The following DIP2C variants were observed in gnomAD, a reference collection of about 807,000 sequenced individuals.
The protein encoded by DIP2C is DIP2 acetate--CoA ligase C (putative).
A neutral mutation model predicts 192.4 loss-of-function variants in DIP2C; 33 were observed. That is an observed-to-expected ratio of 0.17 (90% CI 0.13 to 0.23). The LOEUF (loss-of-function observed/expected upper bound fraction) is 0.23, where lower values mean the gene tolerates loss of function less well. Ranked by LOEUF, DIP2C falls within the 10% of genes least tolerant of loss-of-function variation. The probability of loss-of-function intolerance (pLI) is 1.00; values close to 1 mark genes in which losing one functional copy is unlikely to be tolerated. For synonymous variants in DIP2C, 979 were observed against 864.1 expected, an observed-to-expected ratio of 1.13 and a Z score of -2.33; for missense variants, 1,537 against 2,110.1, an observed-to-expected ratio of 0.73 and a Z score of 5.32.
intron 18 of DIP2C, among the ~76,000 whole-genome samples, chr10:367,231 C>T (rs762929369): frequency 1.3e-5 from 2 of 152,130 alleles, no homozygotes; most frequent in Non-Finnish European, 2.9e-5. Context: ...TCCTGGCTAA[C>T]ATGGTGAAAC....
chr10:348,629 C>G lies in DIP2C; in HGVS notation c.3231+12G>C. Reference sequence around the variant, plus strand: ...AGGCAGGTGGAGGCCCCGACATTCCCAGGCATGTTACCTCCACAATCATCT... The same window carrying G: ...AGGCAGGTGGAGGCCCCGACATTCCGAGGCATGTTACCTCCACAATCATCT... On this transcript the variant is annotated intron_variant, in intron 26 of 36. Coordinates refer to ENST00000280886, the MANE Select transcript of DIP2C (RefSeq NM_014974.3). The G allele has an allele frequency of 6.2e-7, 1 of 1,611,400 alleles. No homozygotes were observed. The highest frequency in any genetic ancestry group is 8.5e-7 in the Non-Finnish European group (1 of 1,179,102).
chr10:305,607 A>C (rs1589435036), intron 32 of DIP2C, among the ~76,000 whole-genome samples: 1 of 152,330 alleles, frequency 6.6e-6, no homozygotes, highest in Non-Finnish European at 1.5e-5. Flanking sequence ...AGGACTTTAC[A>C]CCAATGTAAT....
chr10:471,184 G>A (rs1191866580), intron 3 of DIP2C, among the ~76,000 whole-genome samples: 3 of 152,180 alleles, frequency 2.0e-5, no homozygotes, highest in African/African-American at 4.8e-5. Context: ...GAAGGCAGCA[G>A]GGGCGCCCAG....
chr10:508,827 C>T (rs1845812099), intron 1 of DIP2C, among the ~76,000 whole-genome samples: 2 of 152,186 alleles, frequency 1.3e-5, no homozygotes, highest in African/African-American at 4.8e-5. Flanking sequence ...TTGTGTACTA[C>T]TGATCAGGGC....
intron 2 of DIP2C, among the ~76,000 whole-genome samples, chr10:479,781 G>A (rs183221476): frequency 1.4e-4 from 21 of 152,342 alleles, no homozygotes; most frequent in Non-Finnish European, 2.5e-4. Flanking sequence ...ATCCAGGGAC[G>A]GGAGAGTCTG....
intron 34 of DIP2C, among the ~76,000 whole-genome samples, 183 bp from the exon 35 acceptor site, chr10:283,629 A>G (rs1954952007): frequency 6.6e-6 from 1 of 152,236 alleles, no homozygotes; most frequent in South Asian, 2.1e-4. Flanking sequence ...GGATACTGAA[A>G]TAAAGGCAGT....
At chr10:568,702 C>T (rs1017369011) in intron 1 of DIP2C, among the ~76,000 whole-genome samples, 30 of 128,954 alleles carry the variant, frequency 2.3e-4, no homozygotes, top group Non-Finnish European at 4.1e-4. Flanking sequence ...GGAGGCGGAG[C>T]TTGCAGTGAG....
In DIP2C at chr10:434,759, G is replaced by A. The variant is rs146745759; in HGVS notation, c.394+6112C>T. Among the ~76,000 whole-genome samples the A allele has an allele frequency of 8.0e-3, 1,211 of 152,190 alleles. 14 individuals are homozygous for A. The highest frequency in any genetic ancestry group is 0.028 in the African/African-American group (1,149 of 41,508). On this transcript the variant is annotated intron_variant, in intron 4 of 36. Coordinates refer to ENST00000280886, the MANE Select transcript of DIP2C (RefSeq NM_014974.3). ...ACAGGGTATAGACTTCTAGGTTAAT[G>A]GCATTTTTTTCCTCTCAATAGTTTA...
chr10:520,078 C>T (rs552539891), intron 1 of DIP2C, among the ~76,000 whole-genome samples: 5 of 152,244 alleles, frequency 3.3e-5, no homozygotes, highest in Non-Finnish European at 5.9e-5. Flanking sequence ...TTCTGGAAAA[C>T]ATCTGAATTA....
intron 9 of DIP2C, among the ~76,000 whole-genome samples, chr10:403,934 C>T (rs368101592): frequency 0.011 from 765 of 68,308 alleles, 239 homozygotes; most frequent in African/African-American, 0.04. Flanking sequence ...TGATTTTACA[C>T]GTGTGGTGGC....
intron 1 of DIP2C, among the ~76,000 whole-genome samples, chr10:637,626 T>C (rs1854912250): frequency 6.6e-6 from 1 of 152,160 alleles, no homozygotes; most frequent in Non-Finnish European, 1.5e-5. Context: ...CCTAGCACCA[T>C]CTCCTCCGGG....
chr10:377,464 C>T (rs962992956), intron 17 of DIP2C, among the ~76,000 whole-genome samples: 3 of 152,222 alleles, frequency 2.0e-5, no homozygotes, highest in Non-Finnish European at 4.4e-5. Flanking sequence ...TGCTACCTAA[C>T]TCTCATGGTC....
At chr10:378,571 G>A (rs1414968769) in intron 17 of DIP2C, among the ~76,000 whole-genome samples, 3 of 138,900 alleles carry the variant, frequency 2.2e-5, no homozygotes, top group African/African-American at 5.6e-5. Flanking sequence ...ACACAAACAT[G>A]CAGACATGTG....
chr10:462,169 T>A (rs544142677), intron 3 of DIP2C, among the ~76,000 whole-genome samples: 1 of 151,282 alleles, frequency 6.6e-6, no homozygotes, highest in South Asian at 2.1e-4. Context: ...AGACAAGAAA[T>A]AACTAAGATC....
chr10:361,089 A>G (rs1052578892), intron 22 of DIP2C, among the ~76,000 whole-genome samples: 1 of 152,192 alleles, frequency 6.6e-6, no homozygotes, highest in African/African-American at 2.4e-5. Flanking sequence ...CTGCCAGTTA[A>G]TATTTGTTAA....
chr10:365,919 A>G (rs1960134834), intron 19 of DIP2C, among the ~76,000 whole-genome samples: 1 of 152,224 alleles, frequency 6.6e-6, no homozygotes, highest in Non-Finnish European at 1.5e-5. Context: ...CGTGTAGCCC[A>G]GGCCAAGGGG....
intron 1 of DIP2C, among the ~76,000 whole-genome samples, chr10:534,726 G>A (rs1847600569): frequency 6.6e-6 from 1 of 150,950 alleles, no homozygotes; most frequent in African/African-American, 2.4e-5. Flanking sequence ...CCGGACTGCG[G>A]ACTGCAGTGG....
chr10:381,271 C>T (rs879207537), intron 17 of DIP2C, among the ~76,000 whole-genome samples: 6 of 152,068 alleles, frequency 3.9e-5, no homozygotes, highest in African/African-American at 9.7e-5. Flanking sequence ...TGCATGATAA[C>T]GACATAAAAA....
At chr10:631,785 A>C (rs1460637744) in intron 1 of DIP2C, among the ~76,000 whole-genome samples, 1 of 152,240 alleles carries the variant, frequency 6.6e-6, no homozygotes, top group East Asian at 1.9e-4. Context: ...GAGAGAGCTT[A>C]GCAGCTTAAT....
Sources: allele counts gnomAD v4.1 joint callset (sites outside exome capture counted in the v4.1 genomes callset), GRCh38; gene constraint gnomAD v4.1.1; transcripts MANE v1.5; gene names NCBI Gene and HGNC (gene_info 2026-07-23, HGNC 2026-07-21).